Variants in DNAH11 observed in about 807,000 individuals in gnomAD.
DNAH11 encodes the protein axonemal beta dynein heavy chain 11.
In DNAH11, 442 loss-of-function variants were observed where a neutral mutation model predicts 526.0. The ratio of observed to expected loss-of-function variants is 0.84; its 90% CI spans 0.78 to 0.91. The LOEUF is 0.91. Among genes scored for constraint, DNAH11 ranks in the 40% least tolerant of loss-of-function variants. DNAH11 has a pLI of 0.00. For missense variants in DNAH11, 6,989 were observed against 5,448.7 expected (o/e 1.28, Z -8.90); for synonymous variants, 2,461 against 1,935.9 (o/e 1.27, Z -7.12).
In DNAH11 at chr7:21,600,076, A is replaced by G. The variant is rs750258287; in HGVS notation, c.2957A>G (p.Gln986Arg). 7.6e-6 allele frequency: 12 copies of G among 1,585,428 alleles called. No individual in the cohort carries two copies. Among genetic ancestry groups the G allele is most frequent in the East Asian group, 2.2e-5 (1 of 44,448 alleles). The change falls in exon 15 of 82, where the codon CAG becomes CGG. Residue 986 changes from glutamine to arginine, a missense_variant. Transcript: ENST00000409508. ...TGCAATAGTTTTAGAATGTCTGCCC[A>G]GATGAACCGAATAGCAACACACCTG... is the stretch of plus-strand genomic sequence containing the variant. ...MLCNSFRMSAQMNRIATHLEI... is the reference protein window; with the variant it reads ...MLCNSFRMSARMNRIATHLEI...
intron 28 of DNAH11, among the ~76,000 whole-genome samples, chr7:21,640,518 T>TTTTTTTTTTTTTTTTTTGAG (rs1787079612): frequency 1.3e-5 from 2 of 151,560 alleles, no homozygotes; most frequent in African/African-American, 4.9e-5. Context: ...CTTTTTCTTT[T>TTTTTTTTTTTTTTTTTTGAG]AATCATATTA....
chr7:21,757,257 A>G (rs1786679187), intron 54 of DNAH11, among the ~76,000 whole-genome samples: 2 of 152,244 alleles, frequency 1.3e-5, no homozygotes, highest in Non-Finnish European at 2.9e-5. Context: ...CTTTTAAGTA[A>G]CTATAGTGAT....
In DNAH11 at chr7:21,880,707, A is replaced by C. The variant is rs765976416; in HGVS notation, c.12201A>C (p.Thr4067=). The C allele has an allele frequency of 1.2e-6, 2 of 1,613,760 alleles. No homozygotes were observed. Among genetic ancestry groups the C allele is most frequent in the African/African-American group, 1.3e-5 (1 of 75,050 alleles). ...TTTCTTCTCTTTTTTCCCAGGATAC[A>C]CTTGAAATATGCTCCAAGGAGCAGG... ...HAALYNFDQD[T]LEICSKEQEF... Residue 4067 remains threonine (T), a synonymous_variant, in exon 75 of 82, where the codon ACA becomes ACC. Coordinates refer to ENST00000409508, the MANE Select transcript of DNAH11 (RefSeq NM_001277115.2).
At chr7:21,755,006 G>C (rs1335073366) in intron 54 of DNAH11, among the ~76,000 whole-genome samples, 1 of 152,154 alleles carries the variant, frequency 6.6e-6, no homozygotes, top group Non-Finnish European at 1.5e-5. Context: ...CTTTGCATAA[G>C]TTCCAAACCA....
intron 49 of DNAH11, 37 bp downstream of exon 49, chr7:21,742,203 A>C: frequency 6.2e-7 from 1 of 1,602,394 alleles, no homozygotes; most frequent in African/African-American, 1.3e-5. Flanking sequence ...TCTTGAGTAG[A>C]GAAATAATGA....
chr7:21,695,667 A>G (rs757173181), intron 35 of DNAH11, among the ~76,000 whole-genome samples: 8 of 152,244 alleles, frequency 5.3e-5, no homozygotes, highest in Non-Finnish European at 1.2e-4. Context: ...AATACCACTC[A>G]GGACATAGGC....
At chr7:21,583,870 G>A (rs78220326) in intron 9 of DNAH11, among the ~76,000 whole-genome samples, 175 of 152,194 alleles carry the variant, frequency 1.1e-3, no homozygotes, top group African/African-American at 3.9e-3. Context: ...AATCAAAACC[G>A]TAATGACATA....
chr7:21,801,213 A>G lies in DNAH11; in HGVS notation c.10103A>G (p.Glu3368Gly), dbSNP rs1788977486. Residue 3368 changes from glutamate to glycine, a missense_variant, in exon 62 of 82, where the codon GAG becomes GGG. Glu to Gly is a moderately conservative substitution (Grantham distance 98). Coordinates refer to ENST00000409508, the MANE Select transcript of DNAH11 (RefSeq NM_001277115.2). ...ATAEKVRCQE[E>G]VNQTNKTIKL... ...GCTGAGAAAGTCCGGTGTCAAGAAG[A>G]GGTGAACCAAACCAACAAAACCATC... 5 of 1,613,664 alleles carry G rather than the reference A, an allele frequency of 3.1e-6. No individual in the cohort carries two copies. The highest frequency in any genetic ancestry group is 4.2e-6 in the Non-Finnish European group (5 of 1,179,812).
chr7:21,779,766 A>C (rs561119432), intron 57 of DNAH11, among the ~76,000 whole-genome samples: 1 of 152,308 alleles, frequency 6.6e-6, no homozygotes, highest in Non-Finnish European at 1.5e-5. Context: ...CTGATATCTC[A>C]AAAGAAATAC....
intron 28 of DNAH11, among the ~76,000 whole-genome samples, chr7:21,648,002 G>C (rs1208467974): frequency 6.6e-6 from 1 of 152,016 alleles, no homozygotes; most frequent in African/African-American, 2.4e-5. Context: ...TATGGAACTA[G>C]AAAAAATTGG....
At chr7:21,585,233 C>T (rs1332015587) in intron 9 of DNAH11, among the ~76,000 whole-genome samples, 1 of 151,134 alleles carries the variant, frequency 6.6e-6, no homozygotes, top group Non-Finnish European at 1.5e-5. Context: ...GTGACTTGTA[C>T]AAAGTGGCGT....
At chr7:21,809,440 C>G (rs1789410738) in intron 63 of DNAH11, among the ~76,000 whole-genome samples, 1 of 151,814 alleles carries the variant, frequency 6.6e-6, no homozygotes, top group South Asian at 2.1e-4. Flanking sequence ...AAATCTTTGC[C>G]CAGATGTCCT....
At chr7:21,730,585 T>A (rs1490459499) in intron 45 of DNAH11, among the ~76,000 whole-genome samples, 3 of 152,082 alleles carry the variant, frequency 2.0e-5, no homozygotes, top group Admixed American at 1.3e-4. Context: ...GTAAAATAAA[T>A]CAGACACAGA....
intron 35 of DNAH11, among the ~76,000 whole-genome samples, chr7:21,694,863 T>C (rs1783782964): frequency 6.6e-6 from 1 of 152,218 alleles, no homozygotes; most frequent in Non-Finnish European, 1.5e-5. Context: ...CAGCATCTGT[T>C]GTTTCCAGAC....
chr7:21,774,093 A>T (rs1434653423), intron 56 of DNAH11, 94 bp downstream of exon 56: 2 of 1,143,592 alleles, frequency 1.7e-6, no homozygotes, highest in Admixed American at 5.8e-5. Flanking sequence ...CATTTCTATA[A>T]GATGCCAGCT....
chr7:21,740,304 G>A (rs183994665), intron 48 of DNAH11, among the ~76,000 whole-genome samples: 105 of 152,060 alleles, frequency 6.9e-4, no homozygotes, highest in Non-Finnish European at 1.2e-3. Flanking sequence ...GTAATGTTGG[G>A]CAGCCAAGAT....
At position 21,751,782 on chromosome 7, in the gene DNAH11, C is replaced by T. The variant is rs139924106; in HGVS notation, c.8940+1418C>T. 2.0e-4 allele frequency among the ~76,000 whole-genome samples: 30 copies of T among 152,284 alleles called. 1 individual carries two copies. The highest frequency in any genetic ancestry group is 7.2e-4 in the African/African-American group (30 of 41,546). On this transcript the variant is annotated intron_variant, in intron 54 of 81. Coordinates refer to ENST00000409508, the MANE Select transcript of DNAH11 (RefSeq NM_001277115.2). Reference sequence around the variant, plus strand: ...GCAATTCTAGGTTAGAAGGTTAGAACTTAAGATTCAGTTGCCCAAAGAGCT... The same window carrying T: ...GCAATTCTAGGTTAGAAGGTTAGAATTTAAGATTCAGTTGCCCAAAGAGCT...
intron 61 of DNAH11, among the ~76,000 whole-genome samples, chr7:21,798,755 T>C (rs975851078): frequency 1.3e-5 from 2 of 152,188 alleles, no homozygotes; most frequent in Non-Finnish European, 2.9e-5. Context: ...CCTCAACAGA[T>C]TGAATGCAAT....
At chr7:21,606,755 CTG>C in intron 20 of DNAH11, 22 bp downstream of exon 20, 1 of 1,569,356 alleles carries the variant, frequency 6.4e-7, no homozygotes, top group Non-Finnish European at 8.7e-7. Context: ...CTCAAATATC[CTG>C]TGTGCATTAA....
Sources: allele counts gnomAD v4.1 joint callset (sites outside exome capture counted in the v4.1 genomes callset), GRCh38; gene constraint gnomAD v4.1.1; transcripts MANE v1.5; gene names NCBI Gene and HGNC (gene_info 2026-07-23, HGNC 2026-07-21).